The following FRMD5 variants were observed in gnomAD, a reference collection of about 807,000 sequenced individuals.
FRMD5 encodes FERM domain-containing protein 5.
Under a neutral mutation model 69.0 loss-of-function variants are expected in FRMD5, and 20 were observed. That is an observed-to-expected ratio of 0.29 (90% CI 0.20 to 0.42). The LOEUF is 0.42. FRMD5 is among the 10% of genes least tolerant of loss of function. The probability of loss-of-function intolerance (pLI) is 1.00; values close to 1 mark genes in which losing one functional copy is unlikely to be tolerated. For synonymous variants in FRMD5, 271 were observed against 260.1 expected, an observed-to-expected ratio of 1.04 and a Z score of -0.40; for missense variants, 595 against 708.6, an observed-to-expected ratio of 0.84 and a Z score of 1.82.
intron 1 of FRMD5, among the ~76,000 whole-genome samples, chr15:44,033,470 T>C (rs974371509): frequency 6.6e-6 from 1 of 152,094 alleles, no homozygotes; most frequent in Non-Finnish European, 1.5e-5. Context: ...ATATCCCAAA[T>C]AATAGTTTTT....
intron 1 of FRMD5, among the ~76,000 whole-genome samples, chr15:44,076,142 T>G (rs555272683): frequency 6.6e-6 from 1 of 152,266 alleles, no homozygotes; most frequent in African/African-American, 2.4e-5. Context: ...GGAGAGGATG[T>G]GGAGAAATAG....
At chr15:44,156,992 G>T (rs1465553169) in intron 1 of FRMD5, among the ~76,000 whole-genome samples, 1 of 152,096 alleles carries the variant, frequency 6.6e-6, no homozygotes, top group African/African-American at 2.4e-5. Context: ...CAGGCAAGCT[G>T]GGAATTGGAG....
At chr15:43,945,421 G>A (rs760428839) in intron 1 of FRMD5, among the ~76,000 whole-genome samples, 23 of 152,018 alleles carry the variant, frequency 1.5e-4, no homozygotes, top group Non-Finnish European at 2.6e-4. Flanking sequence ...CCAAAGTCAC[G>A]GTCAGTTGTA....
intron 1 of FRMD5, among the ~76,000 whole-genome samples, chr15:44,018,689 C>T (rs754377103): frequency 6.6e-6 from 1 of 152,052 alleles, no homozygotes; most frequent in Non-Finnish European, 1.5e-5. Context: ...CTTCCATGGC[C>T]CTAATCCTTT....
chr15:44,035,477 G>A (rs1430627401), intron 1 of FRMD5, among the ~76,000 whole-genome samples: 4 of 152,118 alleles, frequency 2.6e-5, no homozygotes, highest in Admixed American at 2.6e-4. Context: ...ACAGTATCCT[G>A]GATGACTGCT....
intron 1 of FRMD5, among the ~76,000 whole-genome samples, chr15:43,944,772 G>A (rs962417402): frequency 1.3e-5 from 2 of 151,990 alleles, no homozygotes; most frequent in African/African-American, 4.8e-5. Context: ...TCTGTCCCAC[G>A]CATACATAGT....
rs150322264 is a variant in FRMD5, at chr15:43,903,919, C to T, written c.552-1657G>A. On this transcript the variant is annotated intron_variant, in intron 6 of 13. Transcript: ENST00000417257. ...CTTTGAAGGAACCATGAGGCCCCTGCCCCCAACACCACAGGCCCGTGTTTA... is the reference window on the plus strand; with the variant it reads ...CTTTGAAGGAACCATGAGGCCCCTGTCCCCAACACCACAGGCCCGTGTTTA... 1.5e-3 allele frequency among the ~76,000 whole-genome samples: 232 copies of T among 152,350 alleles called. 5 individuals are homozygous for T. The East Asian group carries it at 0.038, about 25-fold the overall frequency.
rs536747177 is a variant in FRMD5 at position 43,912,384 on chromosome 15, C to T, written c.330-2405G>A. Among the ~76,000 whole-genome samples, 302 of 152,236 alleles carry T rather than the reference C, an allele frequency of 2.0e-3. 2 individuals carry two copies. The highest frequency in any genetic ancestry group is 7.1e-3 in the African/African-American group (294 of 41,536). On this transcript the variant is annotated intron_variant, in intron 4 of 13. Transcript: ENST00000417257. Reference sequence around the variant, plus strand: ...CTCGTCTTCACTCTGCTTCCCACAGCGAAATGCCACACGGTGTGTGGGAGA... The same window carrying T: ...CTCGTCTTCACTCTGCTTCCCACAGTGAAATGCCACACGGTGTGTGGGAGA...
At chr15:44,118,264 A>G (rs2076898730) in intron 1 of FRMD5, among the ~76,000 whole-genome samples, 1 of 152,138 alleles carries the variant, frequency 6.6e-6, no homozygotes, top group Non-Finnish European at 1.5e-5. Context: ...AGGGCTATAA[A>G]GTGTTTTCCC....
intron 4 of FRMD5, among the ~76,000 whole-genome samples, chr15:43,911,230 G>A (rs2089282361): frequency 2.0e-5 from 3 of 152,192 alleles, no homozygotes; most frequent in Admixed American, 6.5e-5. Flanking sequence ...ATTTCATGAG[G>A]TAGAGCTTAA....
chr15:44,006,514 T>C (rs1890456508), intron 1 of FRMD5, among the ~76,000 whole-genome samples: 2 of 152,220 alleles, frequency 1.3e-5, no homozygotes, highest in South Asian at 2.1e-4. Flanking sequence ...GCTGCATGAA[T>C]AGTGATTCCT....
intron 5 of FRMD5, among the ~76,000 whole-genome samples, chr15:43,908,532 C>G (rs1291395751): frequency 1.3e-5 from 2 of 152,170 alleles, no homozygotes; most frequent in Non-Finnish European, 2.9e-5. Context: ...TTTCCAGGTT[C>G]TCTTCACAAA....
intron 1 of FRMD5, among the ~76,000 whole-genome samples, chr15:43,993,644 T>G (rs1889789953): frequency 6.6e-6 from 1 of 152,228 alleles, no homozygotes; most frequent in African/African-American, 2.4e-5. Context: ...TGATTTTTTT[T>G]GTCTGGATGA....
At chr15:43,912,263 C>T (rs1174300183) in intron 4 of FRMD5, among the ~76,000 whole-genome samples, 1 of 152,154 alleles carries the variant, frequency 6.6e-6, no homozygotes, top group Non-Finnish European at 1.5e-5. Context: ...CCCTCACTCC[C>T]ACCAACCCTA....
At chr15:44,052,020 T>A (rs564363006) in intron 1 of FRMD5, among the ~76,000 whole-genome samples, 1 of 152,228 alleles carries the variant, frequency 6.6e-6, no homozygotes, top group Non-Finnish European at 1.5e-5. Flanking sequence ...TCTTTGGAAG[T>A]AAGTCACTAT....
intron 1 of FRMD5, among the ~76,000 whole-genome samples, chr15:43,931,299 G>T (rs2089670386): frequency 6.6e-6 from 1 of 152,076 alleles, no homozygotes; most frequent in Non-Finnish European, 1.5e-5. Flanking sequence ...CAGAACTACT[G>T]GAAACTCAGC....
intron 1 of FRMD5, among the ~76,000 whole-genome samples, chr15:43,964,679 A>G (rs1280511926): frequency 1.3e-5 from 2 of 152,178 alleles, no homozygotes; most frequent in Non-Finnish European, 2.9e-5. Flanking sequence ...TGGAGAAAAG[A>G]TATTACCTAA....
chr15:44,194,851 G>A (rs1004174081), intron 1 of FRMD5, 102 bp downstream of exon 1: 7 of 973,632 alleles, frequency 7.2e-6, no homozygotes, highest in Admixed American at 2.0e-5. Context: ...GCACGGCGCT[G>A]GGGCTGGGGC....
intron 1 of FRMD5, among the ~76,000 whole-genome samples, chr15:43,978,743 G>A (rs1352309637): frequency 6.6e-6 from 1 of 152,006 alleles, no homozygotes; most frequent in Admixed American, 6.5e-5. Context: ...GTAGAGACAG[G>A]GTTTCACCAT....
Sources: allele counts gnomAD v4.1 joint callset (sites outside exome capture counted in the v4.1 genomes callset), GRCh38; gene constraint gnomAD v4.1.1; transcripts MANE v1.5; gene names NCBI Gene and HGNC (gene_info 2026-07-23, HGNC 2026-07-21).